OGFOD3: variants seen among roughly 807,000 people sequenced by gnomAD.
OGFOD3 encodes 2-oxoglutarate and iron dependent oxygenase domain containing 3.
A neutral mutation model predicts 39.8 loss-of-function variants in OGFOD3; 35 were observed. That is an observed-to-expected ratio of 0.88 (90% CI 0.67 to 1.17). The LOEUF (loss-of-function observed/expected upper bound fraction) is 1.17. OGFOD3 is among the 50% of genes most tolerant of loss of function. OGFOD3 has a pLI of 0.00. For missense variants in OGFOD3, 438 were observed against 454.5 expected, an observed-to-expected ratio of 0.96 and a Z score of 0.33; for synonymous variants, 200 against 192.0, an observed-to-expected ratio of 1.04 and a Z score of -0.34.
At chr17:82,403,161 C>T (rs922267268) in intron 7 of OGFOD3, among the ~76,000 whole-genome samples, 2 of 152,148 alleles carry the variant, frequency 1.3e-5, no homozygotes, top group Non-Finnish European at 2.9e-5. Context: ...GAGCAGAGAC[C>T]ATCTGCCGTA....
rs1007476167 is a variant in OGFOD3, at chr17:82,406,658, G to A, written c.424-176C>T. Among the ~76,000 whole-genome samples, 2 of 152,130 alleles carry A rather than the reference G, an allele frequency of 1.3e-5. No individual in the cohort carries two copies. The highest frequency in any genetic ancestry group is 6.6e-5 in the Admixed American group (1 of 15,256). On this transcript the variant is annotated intron_variant, in intron 4 of 8. Transcript: ENST00000313056. This position sits in a 1 kb window ranked among gnomAD's most constrained non-coding sequence, Gnocchi z 5.2. ...CTTATTCTGTTGCCCAGGCTAGGGCGCAGTGGCACAATCTCAGCTCATTGC... is the reference window on the plus strand; with the variant it reads ...CTTATTCTGTTGCCCAGGCTAGGGCACAGTGGCACAATCTCAGCTCATTGC...
intron 1 of OGFOD3, among the ~76,000 whole-genome samples, chr17:82,416,253 A>T (rs1333834531): frequency 6.6e-6 from 1 of 152,202 alleles, no homozygotes; most frequent in African/African-American, 2.4e-5. Flanking sequence ...TAAATAAATA[A>T]ATAAACAAAC....
In OGFOD3 at chr17:82,404,673, C is replaced by T. The variant is rs562516417; in HGVS notation, c.546-583G>A. Among the ~76,000 whole-genome samples, 5 of 151,596 alleles carry T rather than the reference C, an allele frequency of 3.3e-5. No individual in the cohort carries two copies. Among genetic ancestry groups the T allele is most frequent in the South Asian group, 2.1e-4 (1 of 4,808 alleles). On this transcript the variant is annotated intron_variant, in intron 6 of 8. Coordinates refer to ENST00000313056, the MANE Select transcript of OGFOD3 (RefSeq NM_024648.3). This position sits in a 1 kb window ranked among gnomAD's most constrained non-coding sequence, Gnocchi z 4.5. ...TCACTCATGTGTCCTGGGATGGTTG[C>T]GTGACTCTTAGCTCCTTTGCCCTCA...
chr17:82,417,618 C>CAAAAAA (rs11413297), intron 1 of OGFOD3, among the ~76,000 whole-genome samples: 41 of 127,574 alleles, frequency 3.2e-4, no homozygotes, highest in African/African-American at 1.1e-3. Flanking sequence ...GCCTCTGTCT[C>CAAAAAA]AAAAAAAAAA....
In OGFOD3 at chr17:82,398,203, C is replaced by T. The variant is rs768577705; in HGVS notation, c.816G>A (p.Pro272=). 96 of 1,613,900 alleles carry T rather than the reference C, an allele frequency of 5.9e-5. No individual in the cohort carries two copies. In the South Asian group the frequency reaches 7.5e-4, roughly 13 times the overall value. Residue 272 remains proline (P), a synonymous_variant, in exon 8 of 9, where the codon CCG becomes CCA. Transcript: ENST00000313056. ...MEEGANKTVE[P]RAGRVSFFTS... ...CCCGCCCGCGCCTCCTACCAGCTCT[C>T]GGCTCCACCGTCTTGTTGGCACCCT...
chr17:82,407,954 C>A (rs967500415), intron 4 of OGFOD3, among the ~76,000 whole-genome samples: 3 of 152,128 alleles, frequency 2.0e-5, no homozygotes, highest in Admixed American at 6.6e-5. Flanking sequence ...ACCAGCCTGG[C>A]CAACATGGTG....
Position 82,415,751 on chromosome 17 carries a change from G to T in OGFOD3, c.75-124C>A, listed in dbSNP as rs1193376470. On this transcript the variant is annotated intron_variant, in intron 1 of 8. Transcript: ENST00000313056. This position sits in a 1 kb window ranked among gnomAD's most constrained non-coding sequence, Gnocchi z 5.3. ...CTCACACGTCACCCCTGAAACGAGG[G>T]CTTCCTGCCTGGGGCCAGCGCTGTC... is the stretch of plus-strand genomic sequence containing the variant. 4.9e-6 allele frequency: 4 copies of T among 820,532 alleles called. No individual in the cohort carries two copies. The African/African-American group carries it at 6.9e-5, about 14-fold the overall frequency. The allele number at this position is 820,532 out of a possible 1,614,324, so 50.8% of individuals were successfully genotyped here.
intron 3 of OGFOD3, 84 bp from the exon 4 acceptor site, chr17:82,409,494 A>G: frequency 8.0e-7 from 1 of 1,251,304 alleles, no homozygotes; most frequent in South Asian, 1.2e-5. Context: ...AGCAAAATTA[A>G]TGCAACATTA....
Position 82,398,179 on chromosome 17 carries a change from C to T in OGFOD3, c.823+17G>A, listed in dbSNP as rs778462418. The T allele has an allele frequency of 6.2e-7, 1 of 1,613,824 alleles. No individual in the cohort carries two copies. Among genetic ancestry groups the T allele is most frequent in the Admixed American group, 1.7e-5 (1 of 60,004 alleles). On this transcript the variant is annotated intron_variant, in intron 8 of 8. Transcript: ENST00000313056. Reference sequence around the variant, plus strand: ...GAGCCAGGAGCCCCACGCCCAGGCCCCGCCCGCGCCTCCTACCAGCTCTCG... The same window carrying T: ...GAGCCAGGAGCCCCACGCCCAGGCCTCGCCCGCGCCTCCTACCAGCTCTCG...
chr17:82,407,086 G>A (rs1459915427), intron 4 of OGFOD3, among the ~76,000 whole-genome samples: 4 of 151,980 alleles, frequency 2.6e-5, no homozygotes, highest in Admixed American at 6.6e-5. Flanking sequence ...GCATGGTGGC[G>A]AGCTGTAATC....
intron 7 of OGFOD3, 87 bp from the exon 8 acceptor site, chr17:82,398,406 T>C: frequency 6.0e-6 from 9 of 1,507,132 alleles, no homozygotes; most frequent in Non-Finnish European, 8.1e-6. Flanking sequence ...ATTTTTTGTT[T>C]ATTTATTTTT....
intron 7 of OGFOD3, 103 bp downstream of exon 7, chr17:82,403,834 T>C: frequency 6.8e-7 from 1 of 1,465,238 alleles, no homozygotes; most frequent in Non-Finnish European, 9.2e-7. Flanking sequence ...ACGCTCACCT[T>C]GTCCACGAGC....
In OGFOD3 at chr17:82,390,856, G is replaced by T. The variant is rs2052590401; in HGVS notation, c.*1542C>A. 1 of 121,482 alleles carries T rather than the reference G, an allele frequency of 8.2e-6. No individual in the cohort carries two copies. The highest frequency in any genetic ancestry group is 3.3e-5 in the African/African-American group (1 of 30,728). 7.5% of individuals were successfully genotyped at this position (121,482 alleles called of 1,614,324 possible). A position where few individuals can be genotyped will look rare whatever the true frequency, so the allele number is the denominator to read the frequency against. ...GGCCTCACGCCCGCTCCTTCCCAGG[G>T]GTCACCATGCCTCAGCTGGCCTCAC... is the stretch of plus-strand genomic sequence containing the variant. On this transcript the variant is annotated 3_prime_UTR_variant, in exon 9 of 9. Transcript: ENST00000313056. This position sits in a 1 kb window ranked among gnomAD's most constrained non-coding sequence, Gnocchi z 4.9.
At position 82,415,708 on chromosome 17, in the gene OGFOD3, A is replaced by G. The variant is rs550601140; in HGVS notation, c.75-81T>C. 3.8e-5 allele frequency: 48 copies of G among 1,257,686 alleles called. No homozygotes were observed. The African/African-American group carries it at 6.6e-4, about 17-fold the overall frequency. 77.9% of individuals were successfully genotyped at this position (1,257,686 alleles called of 1,614,324 possible). ...GCTCCCCGATCATCAAAGTGCATGC[A>G]CCATGACCCGGCCTTCACTCACACG... On this transcript the variant is annotated intron_variant, in intron 1 of 8. Transcript: ENST00000313056. This position sits in a 1 kb window ranked among gnomAD's most constrained non-coding sequence, Gnocchi z 5.3.
chr17:82,397,632 C>T (rs576564582), intron 8 of OGFOD3, among the ~76,000 whole-genome samples: 112 of 152,244 alleles, frequency 7.4e-4, no homozygotes, highest in Middle Eastern at 3.4e-3. Context: ...CAGAGGATGA[C>T]TGTCCGCTCG....
rs1212477542 is a variant in OGFOD3, at chr17:82,415,631, A to G, written c.75-4T>C. 1 of 1,603,666 alleles carries G rather than the reference A, an allele frequency of 6.2e-7. No homozygotes were observed. ...CGGGGCTCGGTCCTTCTTGGTGCTG[A>G]GAACAGAAAACAGGCCACGTCACCC... On this transcript the variant is annotated splice_polypyrimidine_tract_variant and splice_region_variant and intron_variant, in intron 1 of 8. Coordinates refer to ENST00000313056, the MANE Select transcript of OGFOD3 (RefSeq NM_024648.3). The surrounding 1 kb of genome is among the most constrained non-coding windows in gnomAD (Gnocchi z 5.3).
rs200208970 is a variant in OGFOD3 at position 82,406,369 on chromosome 17, G to A, written c.488+49C>T. ...GTCCATGGCTAAGAGGCACGGAGCC[G>A]CTCACTCGGCTTTCAGAGCCAGCAC... On this transcript the variant is annotated intron_variant, in intron 5 of 8. Coordinates refer to ENST00000313056, the MANE Select transcript of OGFOD3 (RefSeq NM_024648.3). The surrounding 1 kb of genome is among the most constrained non-coding windows in gnomAD (Gnocchi z 5.2). 1.0e-3 allele frequency: 1,550 copies of A among 1,545,538 alleles called. 4 individuals carry two copies. Among genetic ancestry groups the A allele is most frequent in the African/African-American group, 9.7e-3 (718 of 73,680 alleles).
chr17:82,395,755 A>G (rs2052662288), intron 8 of OGFOD3, among the ~76,000 whole-genome samples: 1 of 152,218 alleles, frequency 6.6e-6, no homozygotes, highest in Non-Finnish European at 1.5e-5. Flanking sequence ...CGGGAGGCGG[A>G]GCTTGCAGTG....
intron 2 of OGFOD3, among the ~76,000 whole-genome samples, chr17:82,412,534 C>T (rs1260614734): frequency 7.3e-6 from 1 of 136,566 alleles, no homozygotes; most frequent in Non-Finnish European, 1.6e-5. Flanking sequence ...GAGTCAGGGT[C>T]ATTGGGCAGA....
Sources: gnomAD v4.1 joint callset for allele counts (sites outside exome capture counted in the v4.1 genomes callset) on GRCh38, gnomAD v4.1.1 for gene constraint, Gnocchi (gnomAD v3.1) non-coding constraint, MANE v1.5 for transcripts, NCBI Gene and HGNC (gene_info 2026-07-23, HGNC 2026-07-21) for gene names.